Variants in PRMT9 observed in about 807,000 individuals in gnomAD.
PRMT9 encodes protein arginine N-methyltransferase 9.
Under a neutral mutation model 83.2 loss-of-function variants are expected in PRMT9, and 59 were observed. The ratio of observed to expected loss-of-function variants is 0.71; its 90% CI spans 0.57 to 0.88. The LOEUF is 0.88. Among genes scored for constraint, PRMT9 ranks in the 40% least tolerant of loss-of-function variants. The pLI, the probability that PRMT9 is intolerant of heterozygous loss-of-function variation, is 0.00. For synonymous variants in PRMT9, 333 were observed against 353.2 expected (o/e 0.94, Z 0.64); for missense variants, 947 against 1,021.9 (o/e 0.93, Z 1.00).
chr4:147,678,235 T>G (rs1016382773), intron 2 of PRMT9, among the ~76,000 whole-genome samples: 6 of 151,978 alleles, frequency 3.9e-5, no homozygotes, highest in African/African-American at 1.5e-4. Context: ...AACATTAAGG[T>G]TTTTTTTAGC....
chr4:147,659,120 AGT>A (rs926852067), intron 7 of PRMT9, among the ~76,000 whole-genome samples: 1 of 151,574 alleles, frequency 6.6e-6, no homozygotes, highest in African/African-American at 2.4e-5. Flanking sequence ...TGGAGCTTGC[AGT>A]GAGCCGAGAT....
intron 2 of PRMT9, among the ~76,000 whole-genome samples, chr4:147,679,252 T>C (rs537105814): frequency 2.1e-4 from 32 of 152,138 alleles, no homozygotes; most frequent in Non-Finnish European, 4.1e-4. Flanking sequence ...GGCAACAACA[T>C]GGCAAAATCC....
chr4:147,663,251 G>A (rs141085585), intron 6 of PRMT9, among the ~76,000 whole-genome samples: 1,826 of 151,742 alleles, frequency 0.012, 40 homozygotes, highest in African/African-American at 0.039. Flanking sequence ...CTCATGATCC[G>A]CCCGCCTCAG....
rs143505106 is a variant in PRMT9 at position 147,651,440 on chromosome 4, G to A, written c.2045+2412C>T. On this transcript the variant is annotated intron_variant, in intron 9 of 11. Transcript: ENST00000322396. ...CATCAAAGGAAATGATCAAAAGAGT[G>A]AAAAGGCAACCTATGAAGTGGGAAA... Among the ~76,000 whole-genome samples, 86 of 152,106 alleles carry A rather than the reference G, an allele frequency of 5.7e-4. 1 individual carries two copies. The highest frequency in any genetic ancestry group is 6.3e-4 in the Non-Finnish European group (43 of 67,998).
intron 9 of PRMT9, among the ~76,000 whole-genome samples, chr4:147,649,879 A>C (rs973022358): frequency 2.0e-5 from 3 of 152,234 alleles, no homozygotes; most frequent in African/African-American, 7.2e-5. Context: ...CTGGGAAGCC[A>C]AGGCAGGAGC....
chr4:147,638,674 C>G lies in PRMT9; in HGVS notation c.2396G>C (p.Arg799Thr), dbSNP rs1733168208. 2 of 1,613,712 alleles carry G rather than the reference C, an allele frequency of 1.2e-6. No individual in the cohort carries two copies. Among genetic ancestry groups the G allele is most frequent in the Non-Finnish European group, 1.7e-6 (2 of 1,179,752 alleles). The change falls in exon 12 of 12, where the codon AGG becomes ACG. Residue 799 changes from arginine to threonine, a missense_variant. Coordinates refer to ENST00000322396, the MANE Select transcript of PRMT9 (RefSeq NM_138364.4). ...GGAGGCTTCACTTGAAGTATCCAACCTAATCTCTTCATCAAGGTACATATG... is the reference window on the plus strand; with the variant it reads ...GGAGGCTTCACTTGAAGTATCCAACGTAATCTCTTCATCAAGGTACATATG... ...WYHMYLDEEI[R>T]LDTSSEASHW...
chr4:147,638,672 A>C lies in PRMT9; in HGVS notation c.2398T>G (p.Leu800Val). ...TGGGAGGCTTCACTTGAAGTATCCAACCTAATCTCTTCATCAAGGTACATA... is the reference window on the plus strand; with the variant it reads ...TGGGAGGCTTCACTTGAAGTATCCACCCTAATCTCTTCATCAAGGTACATA... The part of the protein sequence containing the change: ...YHMYLDEEIR[L>V]DTSSEASHWK... The change falls in exon 12 of 12, where the codon TTG becomes GTG. Residue 800 changes from leucine to valine, a missense_variant. Physicochemically the swap from Leu to Val is conservative, Grantham distance 32. Transcript: ENST00000322396. The C allele has an allele frequency of 6.2e-7, 1 of 1,613,802 alleles. No homozygotes were observed. Among genetic ancestry groups the C allele is most frequent in the Non-Finnish European group, 8.5e-7 (1 of 1,179,786 alleles).
At chr4:147,668,001 A>AAAG (rs138806070) in intron 6 of PRMT9, among the ~76,000 whole-genome samples, 142,888 of 150,614 alleles carry the variant, frequency 0.95, 68,186 homozygotes, top group South Asian at 1. Flanking sequence ...GCAAAAAAAA[A>AAAG]AATAAGACCA....
At chr4:147,677,825 G>C (rs114864067) in intron 2 of PRMT9, among the ~76,000 whole-genome samples, 1,751 of 152,024 alleles carry the variant, frequency 0.012, 34 homozygotes, top group African/African-American at 0.04. Context: ...TTTTTTCTGA[G>C]GAGAGACATA....
At chr4:147,664,923 T>G (rs1030622377) in intron 6 of PRMT9, among the ~76,000 whole-genome samples, 1 of 151,734 alleles carries the variant, frequency 6.6e-6, no homozygotes, top group Non-Finnish European at 1.5e-5. Context: ...GAGACCAACC[T>G]GGCCAACATG....
intron 9 of PRMT9, 73 bp downstream of exon 9, chr4:147,653,779 G>T (rs1734283667): frequency 9.7e-7 from 1 of 1,033,566 alleles, no homozygotes; most frequent in Non-Finnish European, 1.5e-6. Context: ...AGCGATTAAA[G>T]AACTTAAGGA....
chr4:147,681,021 A>G (rs1228262808), intron 1 of PRMT9, among the ~76,000 whole-genome samples: 1 of 152,226 alleles, frequency 6.6e-6, no homozygotes, highest in Non-Finnish European at 1.5e-5. Flanking sequence ...AGCAACATAA[A>G]TCTTGTTCTT....
intron 4 of PRMT9, chr4:147,671,731 T>A (rs765884637): frequency 1.0e-5 from 4 of 399,146 alleles, no homozygotes; most frequent in Non-Finnish European, 1.9e-5. Context: ...TTAATAATAG[T>A]CTAATCTGGA....
chr4:147,675,333 T>C (rs995535105), intron 2 of PRMT9, among the ~76,000 whole-genome samples: 2 of 152,142 alleles, frequency 1.3e-5, no homozygotes, highest in African/African-American at 2.4e-5. Context: ...AAAAGAGACA[T>C]TCTAGAAGTC....
At chr4:147,657,766 TAA>T (rs762695244) in intron 8 of PRMT9, 24 bp downstream of exon 8, 111 of 1,265,134 alleles carry the variant, frequency 8.8e-5, no homozygotes, top group South Asian at 2.3e-4. Context: ...AGCAAGAGGT[TAA>T]AAAAAAAAAT....
At chr4:147,680,257 T>G in intron 2 of PRMT9, 66 bp downstream of exon 2, 2 of 1,452,416 alleles carry the variant, frequency 1.4e-6, no homozygotes. Context: ...AATTACAGTA[T>G]GATTTATCCC....
chr4:147,639,145 C>G (rs771669448), intron 10 of PRMT9, 63 bp from the exon 11 acceptor site: 17 of 1,536,732 alleles, frequency 1.1e-5, no homozygotes, highest in Non-Finnish European at 1.5e-5. Context: ...TCAAGTTTTT[C>G]ACTTTTACAC....
At position 147,663,441 on chromosome 4, in the gene PRMT9, C is replaced by A. The variant is rs547769087; in HGVS notation, c.954-2403G>T. On this transcript the variant is annotated intron_variant, in intron 6 of 11. Coordinates refer to ENST00000322396, the MANE Select transcript of PRMT9 (RefSeq NM_138364.4). ...ACAAAGGTGTGATCTTGGCTCACTG[C>A]AACAACCTCCATCTACCAGGCTCAA... 3.9e-4 allele frequency among the ~76,000 whole-genome samples: 59 copies of A among 152,232 alleles called. 1 individual carries two copies. Among genetic ancestry groups the A allele is most frequent in the Middle Eastern group, 3.4e-3 (1 of 294 alleles).
At chr4:147,683,734 T>TA (rs1553940312) in intron 1 of PRMT9, 65 bp downstream of exon 1, 40,506 of 703,220 alleles carry the variant, frequency 0.058, 3,320 homozygotes, top group African/African-American at 0.14. Context: ...TTTTTTTTTC[T>TA]GTTTTTTTTT....
Sources: allele counts gnomAD v4.1 joint callset (sites outside exome capture counted in the v4.1 genomes callset), GRCh38; gene constraint gnomAD v4.1.1; transcripts MANE v1.5; gene names NCBI Gene and HGNC (gene_info 2026-07-23, HGNC 2026-07-21).